The following FIGN variants were observed in gnomAD, a reference collection of about 807,000 sequenced individuals.
FIGN encodes fidgetin, microtubule severing factor, also known as fidgetin.
In FIGN, 11 loss-of-function variants were observed where a neutral mutation model predicts 51.3. That is an observed-to-expected ratio of 0.21 (90% CI 0.13 to 0.35). FIGN has a LOEUF of 0.35. Ranked by LOEUF, FIGN falls within the 10% of genes least tolerant of loss-of-function variation. FIGN has a pLI of 1.00. For synonymous variants in FIGN, 407 were observed against 363.2 expected (o/e 1.12, Z -1.37); for missense variants, 857 against 943.6 (o/e 0.91, Z 1.20).
rs576810050 is a variant in FIGN at position 163,670,472 on chromosome 2, ATCTG to A, written c.26-58670_26-58667del. Among the ~76,000 whole-genome samples the A allele has an allele frequency of 2.2e-3, 339 of 152,318 alleles. 1 individual carries two copies. The highest frequency in any genetic ancestry group is 7.9e-3 in the African/African-American group (330 of 41,584). ...TATGAACATAGATTTCTGAGTCCAG[ATCTG>A]TCTATGTTTATTTAAACAGCCTCAC... On this transcript the variant is annotated intron_variant, in intron 2 of 2. Coordinates refer to ENST00000333129, the MANE Select transcript of FIGN (RefSeq NM_018086.4).
intron 2 of FIGN, among the ~76,000 whole-genome samples, chr2:163,657,635 C>G (rs1479007731): frequency 6.6e-6 from 1 of 151,828 alleles, no homozygotes; most frequent in Non-Finnish European, 1.5e-5. Flanking sequence ...TAAAAGAAGC[C>G]TAAATGTAAC....
At chr2:163,632,207 T>G (rs1385220094) in intron 2 of FIGN, among the ~76,000 whole-genome samples, 2 of 152,294 alleles carry the variant, frequency 1.3e-5, no homozygotes, top group East Asian at 3.9e-4. Context: ...TAAAGTATTT[T>G]AAAAGTTATA....
chr2:163,651,728 G>C (rs1016578021), intron 2 of FIGN, among the ~76,000 whole-genome samples: 2 of 152,124 alleles, frequency 1.3e-5, no homozygotes, highest in African/African-American at 4.8e-5. Flanking sequence ...TATTGGTAGG[G>C]CCTCTAAACT....
At position 163,610,049 on chromosome 2, in the gene FIGN, C is replaced by T; in HGVS notation, c.1783G>A (p.Val595Met). 6.2e-7 allele frequency: 1 copy of T among 1,614,054 alleles called. No individual in the cohort carries two copies. The highest frequency in any genetic ancestry group is 8.5e-7 in the Non-Finnish European group (1 of 1,179,968). The change falls in exon 3 of 3, where the codon GTG (valine) becomes ATG (methionine). Residue 595 changes from valine to methionine, a missense_variant. Transcript: ENST00000333129. ...SDIDMLLSSQVNEEHSPVSRM... is the reference protein window; with the variant it reads ...SDIDMLLSSQMNEEHSPVSRM... ...CTGACTGGACTATGTTCCTCATTCACTTGAGAGGAGAGAAGCATGTCAATG... is the reference window on the plus strand; with the variant it reads ...CTGACTGGACTATGTTCCTCATTCATTTGAGAGGAGAGAAGCATGTCAATG...
chr2:163,693,718 A>C (rs1019508169), intron 2 of FIGN, among the ~76,000 whole-genome samples: 3 of 152,192 alleles, frequency 2.0e-5, no homozygotes, highest in Admixed American at 2.0e-4. Flanking sequence ...TAGTAAAAAC[A>C]AAACATATTA....
At chr2:163,612,099 G>C (rs1691276665) in intron 2 of FIGN, among the ~76,000 whole-genome samples, 1 of 152,270 alleles carries the variant, frequency 6.6e-6, no homozygotes, top group South Asian at 2.1e-4. Context: ...AAGCCCATCA[G>C]CTTACCTACT....
intron 2 of FIGN, among the ~76,000 whole-genome samples, chr2:163,676,471 ATATATATATAT>A (rs1683970266): frequency 3.7e-5 from 4 of 107,818 alleles, no homozygotes; most frequent in Admixed American, 1.0e-4. Context: ...ATATATATAT[ATATATATATAT>A]AACTAGAGTC....
intron 2 of FIGN, among the ~76,000 whole-genome samples, chr2:163,712,581 C>A (rs1196286694): frequency 6.6e-6 from 1 of 152,034 alleles, no homozygotes; most frequent in Non-Finnish European, 1.5e-5. Context: ...ACACGAACAC[C>A]TAAACTTTTT....
At chr2:163,661,810 T>A (rs1683688954) in intron 2 of FIGN, among the ~76,000 whole-genome samples, 1 of 152,182 alleles carries the variant, frequency 6.6e-6, no homozygotes, top group Admixed American at 6.5e-5. Context: ...TTTCTCTTGC[T>A]GCCACCATGT....
chr2:163,660,569 A>C (rs1004230049), intron 2 of FIGN, among the ~76,000 whole-genome samples: 6 of 150,810 alleles, frequency 4.0e-5, no homozygotes, highest in Non-Finnish European at 7.4e-5. Context: ...CCATGTTGCA[A>C]CACAGCAAAT....
chr2:163,688,907 T>C (rs1029118573), intron 2 of FIGN, among the ~76,000 whole-genome samples: 44 of 152,116 alleles, frequency 2.9e-4, no homozygotes, highest in African/African-American at 4.8e-5. Flanking sequence ...CAGTGGCTCA[T>C]GCCTGTAATC....
intron 2 of FIGN, among the ~76,000 whole-genome samples, chr2:163,628,474 C>T (rs1369755175): frequency 6.6e-6 from 1 of 152,090 alleles, no homozygotes; most frequent in Non-Finnish European, 1.5e-5. Context: ...GAGGTACATA[C>T]GAAGCTTGAA....
chr2:163,667,338 C>CA (rs397952314), intron 2 of FIGN, among the ~76,000 whole-genome samples: 42,654 of 127,258 alleles, frequency 0.34, 8,105 homozygotes, highest in African/African-American at 0.56. Flanking sequence ...ACTATCCCCA[C>CA]AAAAAAAAAA....
At chr2:163,667,544 G>A (rs1324690901) in intron 2 of FIGN, among the ~76,000 whole-genome samples, 4 of 152,132 alleles carry the variant, frequency 2.6e-5, no homozygotes, top group Non-Finnish European at 1.5e-5. Flanking sequence ...AAGAACAAAT[G>A]TTTGCAGTTA....
chr2:163,712,822 C>CTATT (rs1684608509), intron 2 of FIGN, among the ~76,000 whole-genome samples: 2 of 152,046 alleles, frequency 1.3e-5, no homozygotes, highest in Admixed American at 6.6e-5. Flanking sequence ...AAGAAATGGA[C>CTATT]TATTATGCAG....
chr2:163,613,314 G>C (rs1017828016), intron 2 of FIGN, among the ~76,000 whole-genome samples: 6 of 152,072 alleles, frequency 3.9e-5, no homozygotes, highest in Admixed American at 2.6e-4. Context: ...ACTGTCTTGT[G>C]CCCTCTGGCA....
chr2:163,650,300 A>G (rs1330396732), intron 2 of FIGN, among the ~76,000 whole-genome samples: 2 of 151,690 alleles, frequency 1.3e-5, no homozygotes, highest in Non-Finnish European at 2.9e-5. Context: ...AATGCTACAT[A>G]TATTAATTAT....
chr2:163,729,428 G>C (rs1327980982), intron 2 of FIGN, among the ~76,000 whole-genome samples: 1 of 151,834 alleles, frequency 6.6e-6, no homozygotes, highest in African/African-American at 2.4e-5. Flanking sequence ...ACATTTTATA[G>C]GTATTTTACA....
chr2:163,678,315 C>G (rs187873333), intron 2 of FIGN, among the ~76,000 whole-genome samples: 2 of 151,966 alleles, frequency 1.3e-5, no homozygotes, highest in African/African-American at 4.8e-5. Context: ...CCACCTCCCA[C>G]GTTCAACTGA....
Sources: allele counts gnomAD v4.1 joint callset (sites outside exome capture counted in the v4.1 genomes callset), GRCh38; gene constraint gnomAD v4.1.1; transcripts MANE v1.5; gene names NCBI Gene and HGNC (gene_info 2026-07-23, HGNC 2026-07-21).